The following SLC5A10 variants were observed in gnomAD, a reference collection of about 807,000 sequenced individuals.
SLC5A10 encodes solute carrier family 5 member 10.
SLC5A10 carries 55 observed loss-of-function variants against 68.9 expected under a neutral mutation model. The observed-to-expected ratio is 0.80, with a 90% confidence interval of 0.64 to 1.00. The LOEUF is 1.00. Among genes scored for constraint, SLC5A10 ranks in the 50% least tolerant of loss-of-function variants. SLC5A10 has a pLI of 0.00. For missense variants in SLC5A10, 732 were observed against 819.3 expected, an observed-to-expected ratio of 0.89 and a Z score of 1.30; for synonymous variants, 344 against 344.8, an observed-to-expected ratio of 1.00 and a Z score of 0.02.
chr17:18,992,899 A>G (rs62076204), intron 9 of SLC5A10, among the ~76,000 whole-genome samples: 15,172 of 152,146 alleles, frequency 0.1, 865 homozygotes, highest in South Asian at 0.24. Context: ...CTCCCCACAC[A>G]GCTCCTGCCT....
At chr17:19,013,758 C>T (rs1035791874) in intron 10 of SLC5A10, among the ~76,000 whole-genome samples, 4 of 151,442 alleles carry the variant, frequency 2.6e-5, no homozygotes, top group Non-Finnish European at 4.4e-5. Flanking sequence ...CAGGCTTGGC[C>T]ATGCTGTAGT....
intron 9 of SLC5A10, among the ~76,000 whole-genome samples, chr17:19,005,594 G>C (rs1032883412): frequency 6.6e-6 from 1 of 152,036 alleles, no homozygotes; most frequent in Non-Finnish European, 1.5e-5. Context: ...TTTGGGTCCC[G>C]TAAGGATGCT....
chr17:18,978,254 C>T lies in SLC5A10; in HGVS notation c.982+1265C>T, dbSNP rs538684962. 4.9e-5 allele frequency: 79 copies of T among 1,603,264 alleles called. No individual in the cohort carries two copies. In the Middle Eastern group the frequency reaches 2.0e-3, roughly 41 times the overall value. On this transcript the variant is annotated intron_variant, in intron 9 of 14. Transcript: ENST00000395645. ...CTCTGGGGGAGGGCAAGGCTCTGGA[C>T]GGGGCCTGCTGTCCTGGCTCTGCTT...
Position 18,952,212 on chromosome 17 carries a change from G to A in SLC5A10, c.7G>A (p.Ala3Thr), listed in dbSNP as rs551200304. The A allele has an allele frequency of 8.7e-6, 14 of 1,611,794 alleles. No individual in the cohort carries two copies. Among genetic ancestry groups the A allele is most frequent in the Admixed American group, 8.4e-5 (5 of 59,774 alleles). Residue 3 changes from alanine to threonine, a missense_variant, in exon 1 of 15, where the codon GCC (alanine) becomes ACC (threonine). Coordinates refer to ENST00000395645, the MANE Select transcript of SLC5A10 (RefSeq NM_001042450.4). The stretch of plus-strand genomic sequence containing the variant: ...TGCCTGCGGCAGGACAGCCATGGCC[G>A]CCAACTCCACCAGCGACCTCCACAC... The part of the protein sequence containing the change: MA[A>T]NSTSDLHTPG...
In SLC5A10 at chr17:18,959,682, C is replaced by T. The variant is rs748925484; in HGVS notation, c.348+19C>T. 1.2e-6 allele frequency: 2 copies of T among 1,613,382 alleles called. No homozygotes were observed. The highest frequency in any genetic ancestry group is 4.5e-5 in the East Asian group (2 of 44,888). On this transcript the variant is annotated intron_variant, in intron 4 of 14. Coordinates refer to ENST00000395645, the MANE Select transcript of SLC5A10 (RefSeq NM_001042450.4). ...CTCAGAGGTGAGTCTACTCATGGGG[C>T]CTCCAGCTGGGGGGCTGGGCCTTGG...
chr17:19,004,367 C>A lies in SLC5A10; in HGVS notation c.983-9043C>A. On this transcript the variant is annotated intron_variant, in intron 9 of 14. Transcript: ENST00000395645. The surrounding 1 kb of genome is among the most constrained non-coding windows in gnomAD (Gnocchi z 5.4). ...GAACAGCGGTGAGGGAGCGGTGGGC[C>A]ACGTCCCAGGGCTCAGCGTGCCTCT... The A allele has an allele frequency of 7.6e-6, 2 of 263,064 alleles. No individual in the cohort carries two copies. The highest frequency in any genetic ancestry group is 7.1e-6 in the Non-Finnish European group (1 of 140,222). 16.3% of individuals were successfully genotyped at this position (263,064 alleles called of 1,614,324 possible). A position where few individuals can be genotyped will look rare whatever the true frequency, so the allele number is the denominator to read the frequency against.
At chr17:19,013,567 G>T in intron 10 of SLC5A10, 50 bp downstream of exon 10, 1 of 1,366,056 alleles carries the variant, frequency 7.3e-7, no homozygotes, top group Middle Eastern at 2.4e-4. Flanking sequence ...GGTTGGACTT[G>T]GGGCCCAATG....
chr17:19,002,240 G>A (rs2043748907), intron 9 of SLC5A10, among the ~76,000 whole-genome samples: 1 of 152,202 alleles, frequency 6.6e-6, no homozygotes, highest in Non-Finnish European at 1.5e-5. Flanking sequence ...GAAACCCGAA[G>A]CCTCAAAGCT....
chr17:18,993,560 C>T (rs2043485910), intron 9 of SLC5A10, among the ~76,000 whole-genome samples: 1 of 152,198 alleles, frequency 6.6e-6, no homozygotes, highest in South Asian at 2.1e-4. Context: ...CCTCACTATG[C>T]TCCAGGCAGG....
intron 9 of SLC5A10, chr17:18,977,477 A>G: frequency 9.0e-7 from 1 of 1,116,978 alleles, no homozygotes; most frequent in Non-Finnish European, 1.3e-6. Flanking sequence ...AGGGAATTGA[A>G]GTCATCAGAG....
chr17:18,985,391 C>A (rs2043244975), intron 9 of SLC5A10, among the ~76,000 whole-genome samples: 1 of 152,202 alleles, frequency 6.6e-6, no homozygotes, highest in African/African-American at 2.4e-5. Context: ...CAAACTGGCA[C>A]CTGACACCCC....
intron 5 of SLC5A10, among the ~76,000 whole-genome samples, chr17:18,964,405 G>T (rs188040375): frequency 1.4e-3 from 213 of 152,314 alleles, no homozygotes; most frequent in African/African-American, 5.0e-3. Context: ...GACTGGGCCT[G>T]GCCTGTGGGT....
rs1196304708 is a variant in SLC5A10, at chr17:19,018,152, G to C, written c.1242-1271G>C. The C allele has an allele frequency of 6.6e-6, 1 of 152,266 alleles. No individual in the cohort carries two copies. The highest frequency in any genetic ancestry group is 1.5e-5 in the Non-Finnish European group (1 of 68,088). The allele number at this position is 152,266 out of a possible 1,614,324, so 9.4% of individuals were successfully genotyped here. On this transcript the variant is annotated intron_variant, in intron 11 of 14. Transcript: ENST00000395645. This position sits in a 1 kb window ranked among gnomAD's most constrained non-coding sequence, Gnocchi z 4.2. ...TCAGGCCTAGAAGGGAAGAAAGGGA[G>C]GGAGGAAGGCGGACAGGCGCTGAGA...
intron 9 of SLC5A10, among the ~76,000 whole-genome samples, chr17:18,985,315 A>AC (rs1339813168): frequency 8.5e-5 from 13 of 152,066 alleles, no homozygotes; most frequent in Non-Finnish European, 2.9e-5. Context: ...GGATTCAGTG[A>AC]CTCTGCCCAA....
In SLC5A10 at chr17:19,004,054, C is replaced by T. The variant is rs746038121; in HGVS notation, c.983-9356C>T. The stretch of plus-strand genomic sequence containing the variant: ...GAGAGAAGGCCATGGCGCCGCCTGC[C>T]CGGGCACTGCTGCCGGGGGTGGGTG... On this transcript the variant is annotated intron_variant, in intron 9 of 14. Coordinates refer to ENST00000395645, the MANE Select transcript of SLC5A10 (RefSeq NM_001042450.4). This position sits in a 1 kb window ranked among gnomAD's most constrained non-coding sequence, Gnocchi z 5.4. 13 of 1,569,002 alleles carry T rather than the reference C, an allele frequency of 8.3e-6. No individual in the cohort carries two copies. Among genetic ancestry groups the T allele is most frequent in the Non-Finnish European group, 1.1e-5 (13 of 1,155,732 alleles).
Position 19,003,905 on chromosome 17 carries a change from A to G in SLC5A10, c.983-9505A>G. On this transcript the variant is annotated intron_variant, in intron 9 of 14. Coordinates refer to ENST00000395645, the MANE Select transcript of SLC5A10 (RefSeq NM_001042450.4). This position sits in a 1 kb window ranked among gnomAD's most constrained non-coding sequence, Gnocchi z 4.5. The stretch of plus-strand genomic sequence containing the variant: ...GTTCTCCCGCTTGAGCACCTCGTAG[A>G]AGGCGTCCCGGCCGCGGGCCACCAG... 6.2e-7 allele frequency: 1 copy of G among 1,612,950 alleles called. No homozygotes were observed. Among genetic ancestry groups the G allele is most frequent in the Non-Finnish European group, 8.5e-7 (1 of 1,179,916 alleles).
In SLC5A10 at chr17:18,969,393, T is replaced by G. The variant is rs780644827; in HGVS notation, c.611T>G (p.Val204Gly). The G allele has an allele frequency of 5.0e-6, 8 of 1,613,518 alleles. No individual in the cohort carries two copies. The South Asian group carries it at 8.8e-5, about 18-fold the overall frequency. Residue 204 changes from valine (V) to glycine (G), a missense_variant, in exon 7 of 15, where the codon GTG becomes GGG. Physicochemically the swap from Val to Gly is moderately radical, Grantham distance 109. Coordinates refer to ENST00000395645, the MANE Select transcript of SLC5A10 (RefSeq NM_001042450.4). ...YTDALQTLIM[V>G]VGAVILTIKA... is the part of the protein sequence containing the mutation. ...GACGCCCTGCAGACGCTCATCATGG[T>G]GGTGGGGGCTGTCATCCTGACAATC...
In SLC5A10 at chr17:19,000,414, G is replaced by A. The variant is rs2043700568; in HGVS notation, c.983-12996G>A. On this transcript the variant is annotated intron_variant, in intron 9 of 14. Coordinates refer to ENST00000395645, the MANE Select transcript of SLC5A10 (RefSeq NM_001042450.4). This position sits in a 1 kb window ranked among gnomAD's most constrained non-coding sequence, Gnocchi z 5.2. ...GGAGAGGAGCTGGGGCTTGTTCCAG[G>A]TCCCACAGTCAGGCAGAGGCAGAGC... Among the ~76,000 whole-genome samples the A allele has an allele frequency of 6.6e-6, 1 of 152,196 alleles. No individual in the cohort carries two copies.
chr17:18,954,950 G>C (rs1158050387), intron 1 of SLC5A10, among the ~76,000 whole-genome samples: 1 of 151,986 alleles, frequency 6.6e-6, no homozygotes, highest in Non-Finnish European at 1.5e-5. Flanking sequence ...GCCAGGCGTG[G>C]TGCCAGGCGC....
Sources: gnomAD v4.1 joint callset for allele counts (sites outside exome capture counted in the v4.1 genomes callset) on GRCh38, gnomAD v4.1.1 for gene constraint, Gnocchi (gnomAD v3.1) non-coding constraint, MANE v1.5 for transcripts, NCBI Gene and HGNC (gene_info 2026-07-23, HGNC 2026-07-21) for gene names.